TGFBR2: variants seen among roughly 807,000 people sequenced by gnomAD.
TGFBR2 encodes transforming growth factor beta receptor 2.
A neutral mutation model predicts 49.0 loss-of-function variants in TGFBR2; 18 were observed. The ratio of observed to expected loss-of-function variants is 0.37; its 90% CI spans 0.25 to 0.54. The LOEUF is 0.54. Among genes scored for constraint, TGFBR2 ranks in the 20% least tolerant of loss-of-function variants. The probability of loss-of-function intolerance (pLI) is 0.85; values close to 1 mark genes in which losing one functional copy is unlikely to be tolerated. For synonymous variants in TGFBR2, 282 were observed against 275.9 expected, an observed-to-expected ratio of 1.02 and a Z score of -0.22; for missense variants, 525 against 722.6, an observed-to-expected ratio of 0.73 and a Z score of 3.13.
Position 30,644,832 on chromosome 3 carries a change from C to G in TGFBR2, c.180C>G (p.Thr60=). The G allele has an allele frequency of 1.2e-6, 2 of 1,614,150 alleles. No homozygotes were observed. The highest frequency in any genetic ancestry group is 1.7e-5 in the Admixed American group (1 of 60,016). ...AATTTTGTGATGTGAGATTTTCCAC[C>G]TGTGACAACCAGAAATCCTGCATGA... ...LCKFCDVRFS[T]CDNQKSCMSN... is the part of the protein sequence containing the mutation. Residue 60 remains threonine (T), a synonymous_variant, in exon 2 of 7, where the codon ACC becomes ACG. Coordinates refer to ENST00000295754, the MANE Select transcript of TGFBR2 (RefSeq NM_003242.6).
intron 3 of TGFBR2, 128 bp downstream of exon 3, chr3:30,650,588 A>T: frequency 9.7e-7 from 1 of 1,026,548 alleles, no homozygotes; most frequent in Non-Finnish European, 1.5e-6. Flanking sequence ...GAGCTCATTC[A>T]GCTGGTGGAA....
At chr3:30,635,420 G>T (rs1441001248) in intron 1 of TGFBR2, among the ~76,000 whole-genome samples, 1 of 152,178 alleles carries the variant, frequency 6.6e-6, no homozygotes, top group Non-Finnish European at 1.5e-5. Context: ...ATTCTTCAAT[G>T]ATACAAGAAA....
intron 5 of TGFBR2, among the ~76,000 whole-genome samples, chr3:30,677,782 G>T (rs1463293186): frequency 5.9e-5 from 9 of 152,172 alleles, no homozygotes; most frequent in Admixed American, 5.9e-4. Flanking sequence ...CAGATGGAAG[G>T]ACAGGTTTTG....
At chr3:30,625,959 A>G (rs965726033) in intron 1 of TGFBR2, among the ~76,000 whole-genome samples, 3 of 152,148 alleles carry the variant, frequency 2.0e-5, no homozygotes, top group East Asian at 3.9e-4. Flanking sequence ...TCCTGAACTC[A>G]GTTTATTTTT....
At chr3:30,688,702 A>C (rs184462178) in intron 6 of TGFBR2, among the ~76,000 whole-genome samples, 191 bp downstream of exon 6, 24 of 152,316 alleles carry the variant, frequency 1.6e-4, no homozygotes, top group Admixed American at 7.8e-4. Context: ...CAACCAGCTG[A>C]TATGTACTCT....
chr3:30,644,424 T>A (rs1698693558), intron 1 of TGFBR2, among the ~76,000 whole-genome samples: 1 of 152,192 alleles, frequency 6.6e-6, no homozygotes, highest in Non-Finnish European at 1.5e-5. Flanking sequence ...CAGCACTCCG[T>A]ACTATGCAGT....
At chr3:30,678,383 TA>T (rs1246382982) in intron 5 of TGFBR2, among the ~76,000 whole-genome samples, 1 of 151,686 alleles carries the variant, frequency 6.6e-6, no homozygotes, top group Non-Finnish European at 1.5e-5. Context: ...CCGTCTCTAC[TA>T]AAAATACAAA....
At chr3:30,613,696 T>C in intron 1 of TGFBR2, among the ~76,000 whole-genome samples, 2 of 152,270 alleles carry the variant, frequency 1.3e-5, no homozygotes, top group South Asian at 4.1e-4. Context: ...CCCATTTCTG[T>C]GGAAGGACTA....
rs575232398 is a variant in TGFBR2, at chr3:30,668,524, C to T, written c.455-3114C>T. Among the ~76,000 whole-genome samples the T allele has an allele frequency of 2.7e-4, 41 of 152,188 alleles. 2 individuals carry two copies. In the South Asian group the frequency reaches 5.8e-3, roughly 22 times the overall value. On this transcript the variant is annotated intron_variant, in intron 3 of 6. Transcript: ENST00000295754. Reference sequence around the variant, plus strand: ...TTGAATTTGTGTTGTGTTCATCTGCCCCCTTAATTTTGTTTGCTGTACAAC... The same window carrying T: ...TTGAATTTGTGTTGTGTTCATCTGCTCCCTTAATTTTGTTTGCTGTACAAC...
At chr3:30,655,474 C>A (rs771438177) in intron 3 of TGFBR2, among the ~76,000 whole-genome samples, 9 of 152,160 alleles carry the variant, frequency 5.9e-5, no homozygotes, top group Non-Finnish European at 1.3e-4. Flanking sequence ...TAACCACATC[C>A]CTGTCATTGT....
intron 3 of TGFBR2, among the ~76,000 whole-genome samples, chr3:30,654,014 C>T (rs1698948496): frequency 6.6e-6 from 1 of 152,110 alleles, no homozygotes; most frequent in African/African-American, 2.4e-5. Flanking sequence ...ATGTAAGGCA[C>T]TAAAACCTGT....
intron 1 of TGFBR2, among the ~76,000 whole-genome samples, chr3:30,614,115 CTTTTTT>C (rs5847643): frequency 1.7e-5 from 2 of 120,632 alleles, no homozygotes; most frequent in African/African-American, 6.4e-5. Context: ...TTTTTCTTTC[CTTTTTT>C]TTTTTTTTTT....
At chr3:30,654,607 C>T (rs572928787) in intron 3 of TGFBR2, among the ~76,000 whole-genome samples, 61 of 152,294 alleles carry the variant, frequency 4.0e-4, no homozygotes, top group African/African-American at 1.4e-3. Flanking sequence ...TACTAACCAA[C>T]ATATAAAATT....
chr3:30,657,956 C>G (rs775338848), intron 3 of TGFBR2, among the ~76,000 whole-genome samples: 2 of 152,220 alleles, frequency 1.3e-5, no homozygotes, highest in Non-Finnish European at 2.9e-5. Context: ...CTGTTTGCCT[C>G]TGATCTTAAG....
At chr3:30,670,674 G>A (rs751786679) in intron 3 of TGFBR2, among the ~76,000 whole-genome samples, 1 of 152,228 alleles carries the variant, frequency 6.6e-6, no homozygotes, top group Non-Finnish European at 1.5e-5. Context: ...CAAAGTTTGA[G>A]GCACAAGATA....
At chr3:30,663,905 G>C (rs115920621) in intron 3 of TGFBR2, among the ~76,000 whole-genome samples, 3,284 of 146,116 alleles carry the variant, frequency 0.022, 113 homozygotes, top group African/African-American at 0.077. Flanking sequence ...GGGCCATACT[G>C]TGCTCTTGGG....
rs1315073384 is a variant in TGFBR2 at position 30,606,729 on chromosome 3, G to C, written c.-155G>C. On this transcript the variant is annotated 5_prime_UTR_variant, in exon 1 of 7. Coordinates refer to ENST00000295754, the MANE Select transcript of TGFBR2 (RefSeq NM_003242.6). The stretch of plus-strand genomic sequence containing the variant: ...TCGCCGGCCTCCAGGCCCCCTCCTG[G>C]CTGGCGAGCGGGCGCCACATCTGGC... 1 of 479,446 alleles carries C rather than the reference G, an allele frequency of 2.1e-6. No individual in the cohort carries two copies. Among genetic ancestry groups the C allele is most frequent in the Admixed American group, 4.4e-5 (1 of 22,478 alleles). The allele number at this position is 479,446 out of a possible 1,614,324, so 29.7% of individuals were successfully genotyped here.
intron 3 of TGFBR2, among the ~76,000 whole-genome samples, chr3:30,669,095 G>T (rs905296573): frequency 7.2e-5 from 9 of 124,426 alleles, no homozygotes; most frequent in Non-Finnish European, 1.3e-4. Flanking sequence ...GGCCAACATG[G>T]TGAAACCCCG....
intron 1 of TGFBR2, among the ~76,000 whole-genome samples, chr3:30,636,510 A>G (rs1698535647): frequency 6.6e-6 from 1 of 152,170 alleles, no homozygotes. Context: ...CCATGACAGA[A>G]TCTGCCTTGC....
Sources: allele counts gnomAD v4.1 joint callset (sites outside exome capture counted in the v4.1 genomes callset), GRCh38; gene constraint gnomAD v4.1.1; transcripts MANE v1.5; gene names NCBI Gene and HGNC (gene_info 2026-07-23, HGNC 2026-07-21).